Variants in HYAL4 observed in about 807,000 individuals in gnomAD.
The protein encoded by HYAL4 is hyaluronidase-4.
Under a neutral mutation model 35.2 loss-of-function variants are expected in HYAL4, and 37 were observed. The ratio of observed to expected loss-of-function variants is 1.05; its 90% CI spans 0.81 to 1.38. The LOEUF is 1.38. HYAL4 is among the 40% of genes most tolerant of loss of function. The pLI is 0.00. For missense variants in HYAL4, 572 were observed against 572.4 expected (o/e 1.00, Z 0.01); for synonymous variants, 198 against 203.2 (o/e 0.97, Z 0.22).
At chr7:123,868,060 T>C (rs549637372) in intron 2 of HYAL4, among the ~76,000 whole-genome samples, 163 bp from the exon 3 acceptor site, 2 of 152,336 alleles carry the variant, frequency 1.3e-5, no homozygotes, top group Admixed American at 1.3e-4. Flanking sequence ...GAATAGAAGC[T>C]AGGTCTCTAC....
At chr7:123,802,057 T>C in the HYAL4 span, among the ~76,000 whole-genome samples, 1 of 152,202 alleles carries the variant, frequency 6.6e-6, no homozygotes, top group South Asian at 2.1e-4. Flanking sequence ...ACTTTTCTGA[T>C]TGATGAGTGT....
the HYAL4 span, among the ~76,000 whole-genome samples, chr7:123,813,273 A>T: frequency 6.6e-6 from 1 of 152,216 alleles, no homozygotes; most frequent in Non-Finnish European, 1.5e-5. Context: ...AACTGAAACC[A>T]TATTGCTTTC....
chr7:123,860,682 A>C (rs1806559141), intron 2 of HYAL4, among the ~76,000 whole-genome samples: 1 of 152,182 alleles, frequency 6.6e-6, no homozygotes, highest in Non-Finnish European at 1.5e-5. Flanking sequence ...AGAATTAGGA[A>C]GACATTAATT....
chr7:123,807,914 A>T, the HYAL4 span, among the ~76,000 whole-genome samples: 4 of 136,572 alleles, frequency 2.9e-5, no homozygotes, highest in African/African-American at 1.1e-4. Context: ...TTAGCTGGAT[A>T]ATTATTATTA....
chr7:123,848,449 G>T (rs887310385), intron 2 of HYAL4, among the ~76,000 whole-genome samples: 3 of 151,942 alleles, frequency 2.0e-5, no homozygotes, highest in Non-Finnish European at 4.4e-5. Flanking sequence ...ACTACTCAAG[G>T]CTTTCTTCAT....
At chr7:123,842,382 TC>T (rs1259231093), upstream of HYAL4, among the ~76,000 whole-genome samples, 3 of 152,046 alleles carry the variant, frequency 2.0e-5, no homozygotes, top group African/African-American at 7.2e-5. Context: ...TGATTTCTGT[TC>T]TTTTACATTT....
the HYAL4 span, among the ~76,000 whole-genome samples, chr7:123,793,486 T>C: frequency 4.9e-3 from 748 of 152,298 alleles, 1 homozygote; most frequent in Non-Finnish European, 7.7e-3. Context: ...GTTGTTTCCA[T>C]AATCCCTAGA....
upstream of HYAL4, among the ~76,000 whole-genome samples, chr7:123,824,595 G>A (rs534381438): frequency 4.6e-5 from 7 of 151,916 alleles, no homozygotes; most frequent in Admixed American, 1.3e-4. Flanking sequence ...CTTCACCCCC[G>A]CACATGACAC....
At chr7:123,783,820 A>T in the HYAL4 span, among the ~76,000 whole-genome samples, 1 of 152,230 alleles carries the variant, frequency 6.6e-6, no homozygotes, top group South Asian at 2.1e-4. Context: ...GTACCCTTCA[A>T]TATTGGACAG....
chr7:123,770,146 G>T, the HYAL4 span, among the ~76,000 whole-genome samples: 5 of 151,996 alleles, frequency 3.3e-5, no homozygotes, highest in Admixed American at 2.6e-4. Context: ...CTGATGGTTT[G>T]TCTGTGAACT....
chr7:123,803,325 C>T, the HYAL4 span, among the ~76,000 whole-genome samples: 1 of 152,114 alleles, frequency 6.6e-6, no homozygotes, highest in Non-Finnish European at 1.5e-5. Context: ...GGGGCCACAG[C>T]GACATCATTT....
chr7:123,770,774 GTAATT>G, the HYAL4 span, among the ~76,000 whole-genome samples: 1 of 150,800 alleles, frequency 6.6e-6, no homozygotes, highest in African/African-American at 2.5e-5. Flanking sequence ...TTTAAGAAAA[GTAATT>G]TATCAAAAAA....
chr7:123,824,365 T>A (rs1224852745), upstream of HYAL4, among the ~76,000 whole-genome samples: 1 of 152,130 alleles, frequency 6.6e-6, no homozygotes, highest in Non-Finnish European at 1.5e-5. Flanking sequence ...GGTGAGTTCT[T>A]TTGTTCAGCT....
rs757605133 is a variant in HYAL4, at chr7:123,868,819, T to C, written c.546T>C (p.Asp182=). 4 of 1,614,178 alleles carry C rather than the reference T, an allele frequency of 2.5e-6. No individual in the cohort carries two copies. In the Admixed American group the frequency reaches 5.0e-5, roughly 20 times the overall value. The part of the protein sequence containing the change: ...SDMGKNVSAT[D]IEYLAKVTFE... ...TGGGAAAGAATGTATCAGCTACCGA[T>C]ATTGAATATTTAGCCAAAGTGACCT... is the stretch of plus-strand genomic sequence containing the variant. The change falls in exon 3 of 5, where the codon GAT becomes GAC. Residue 182 remains aspartate (D), a synonymous_variant. Coordinates refer to ENST00000223026, the MANE Select transcript of HYAL4 (RefSeq NM_012269.3).
chr7:123,785,696 A>G, the HYAL4 span, among the ~76,000 whole-genome samples: 1 of 152,126 alleles, frequency 6.6e-6, no homozygotes, highest in African/African-American at 2.4e-5. This position sits in a 1 kb window ranked among gnomAD's most constrained non-coding sequence, Gnocchi z 4.5. Flanking sequence ...TTCATCTCCC[A>G]TCCCTTCCAC....
chr7:123,800,804 G>A, the HYAL4 span, among the ~76,000 whole-genome samples: 4 of 151,378 alleles, frequency 2.6e-5, no homozygotes, highest in African/African-American at 9.7e-5. Context: ...TTACAGGCAC[G>A]CGTCACCACG....
At chr7:123,800,521 G>C in the HYAL4 span, among the ~76,000 whole-genome samples, 1 of 146,734 alleles carries the variant, frequency 6.8e-6, no homozygotes, top group African/African-American at 2.5e-5. Context: ...TTTTTCTTTT[G>C]ATAGCTAAAA....
the HYAL4 span, among the ~76,000 whole-genome samples, chr7:123,769,066 T>G: frequency 6.6e-6 from 1 of 152,258 alleles, no homozygotes; most frequent in Admixed American, 6.5e-5. Context: ...TGAAGTAGAA[T>G]TTTAATGATA....
upstream of HYAL4, among the ~76,000 whole-genome samples, chr7:123,844,627 C>G (rs1806138204): frequency 6.6e-6 from 1 of 152,192 alleles, no homozygotes. Flanking sequence ...TGAGCTATGT[C>G]CTGCCCACAG....
Sources: allele counts gnomAD v4.1 joint callset (sites outside exome capture counted in the v4.1 genomes callset), GRCh38; gene constraint gnomAD v4.1.1; non-coding constraint Gnocchi (gnomAD v3.1); transcripts MANE v1.5; gene names NCBI Gene and HGNC (gene_info 2026-07-23, HGNC 2026-07-21).